FKBP5: variants seen among roughly 807,000 people sequenced by gnomAD.
The protein encoded by FKBP5 is FKBP prolyl isomerase 5, also known as peptidyl-prolyl cis-trans isomerase FKBP5.
A neutral mutation model predicts 50.5 loss-of-function variants in FKBP5; 23 were observed. The ratio of observed to expected loss-of-function variants is 0.46; its 90% CI spans 0.33 to 0.65. The LOEUF is 0.65. Among genes scored for constraint, FKBP5 ranks in the 30% least tolerant of loss-of-function variants. FKBP5 has a pLI of 0.02. For synonymous variants in FKBP5, 176 were observed against 190.6 expected (o/e 0.92, Z 0.63); for missense variants, 411 against 553.1 (o/e 0.74, Z 2.58).
intron 5 of FKBP5, among the ~76,000 whole-genome samples, chr6:35,605,130 T>C (rs1189612124): frequency 2.0e-5 from 3 of 152,076 alleles, no homozygotes; most frequent in Non-Finnish European, 4.4e-5. Flanking sequence ...TGATGAAGTT[T>C]TCCTTGTTCC....
chr6:35,641,992 CAAA>C (rs1025733514), intron 2 of FKBP5, among the ~76,000 whole-genome samples: 86 of 140,404 alleles, frequency 6.1e-4, no homozygotes, highest in African/African-American at 2.2e-3. Context: ...GACTCTGTCT[CAAA>C]ATAAAATAAA....
chr6:35,634,319 T>TCAACAA (rs574042031), intron 3 of FKBP5, among the ~76,000 whole-genome samples: 1 of 151,968 alleles, frequency 6.6e-6, no homozygotes, highest in Non-Finnish European at 1.5e-5. Flanking sequence ...TATGCCTAAA[T>TCAACAA]CAACAACAAC....
At chr6:35,623,678 T>C (rs1026278823) in intron 3 of FKBP5, among the ~76,000 whole-genome samples, 5 of 151,742 alleles carry the variant, frequency 3.3e-5, no homozygotes, top group African/African-American at 1.2e-4. Context: ...CAAGCGGTCC[T>C]CCCACCTTAG....
chr6:35,591,543 T>C (rs542845300), intron 6 of FKBP5, among the ~76,000 whole-genome samples: 2 of 152,336 alleles, frequency 1.3e-5, no homozygotes, highest in Non-Finnish European at 2.9e-5. Context: ...TCTAGTTTTT[T>C]TTTTTTAATA....
intron 2 of FKBP5, among the ~76,000 whole-genome samples, chr6:35,641,259 A>G (rs1000772742): frequency 6.6e-6 from 1 of 152,238 alleles, no homozygotes; most frequent in Non-Finnish European, 1.5e-5. Context: ...CTGGGATTAC[A>G]GGCATGAGCC....
intron 1 of FKBP5, among the ~76,000 whole-genome samples, chr6:35,685,785 C>A (rs1765806210): frequency 6.6e-6 from 1 of 151,892 alleles, no homozygotes; most frequent in African/African-American, 2.4e-5. Flanking sequence ...AGTTCGAGAC[C>A]AGCCTGGCCA....
At chr6:35,706,236 T>A (rs540766853) in intron 2 of FKBP5, among the ~76,000 whole-genome samples, 20 of 151,882 alleles carry the variant, frequency 1.3e-4, no homozygotes, top group Admixed American at 4.6e-4. Context: ...CCAGCCTGGC[T>A]AATATGGTAA....
At chr6:35,594,155 G>C (rs1762906563) in intron 6 of FKBP5, among the ~76,000 whole-genome samples, 1 of 151,932 alleles carries the variant, frequency 6.6e-6, no homozygotes, top group Non-Finnish European at 1.5e-5. Context: ...AAGAGTTTGA[G>C]ACCAGCCTGG....
At chr6:35,580,418 GC>G in intron 8 of FKBP5, 197 bp from the exon 9 acceptor site, 1 of 553,482 alleles carries the variant, frequency 1.8e-6, no homozygotes, top group South Asian at 2.6e-5. Flanking sequence ...TTGGGGCAGT[GC>G]CTGAGCACTG....
intron 5 of FKBP5, among the ~76,000 whole-genome samples, chr6:35,601,279 T>C (rs1454462445): frequency 1.3e-5 from 2 of 152,230 alleles, no homozygotes; most frequent in African/African-American, 4.8e-5. Flanking sequence ...CTTGTAATAC[T>C]GACAACATTC....
intron 1 of FKBP5, among the ~76,000 whole-genome samples, chr6:35,687,740 G>A (rs768439425): frequency 3.3e-5 from 5 of 152,158 alleles, no homozygotes; most frequent in Non-Finnish European, 5.9e-5. Context: ...AGAATTTACT[G>A]AACGGCGGCC....
At chr6:35,696,489 G>T (rs1445612371) in intron 2 of FKBP5, among the ~76,000 whole-genome samples, 2 of 148,578 alleles carry the variant, frequency 1.3e-5, no homozygotes, top group Non-Finnish European at 3.0e-5. Context: ...TCCAGCCTGG[G>T]CAACAGAGCC....
chr6:35,599,529 A>G lies in FKBP5; in HGVS notation c.509-2125T>C, dbSNP rs904487812. On this transcript the variant is annotated intron_variant, in intron 5 of 10. Coordinates refer to ENST00000357266, the MANE Select transcript of FKBP5 (RefSeq NM_004117.4). ...TTCTCTGTATTGTTCCAATTTTAGT[A>G]TATGTGCTGCCGAAGTGAGTACTCA... is the stretch of plus-strand genomic sequence containing the variant. Among the ~76,000 whole-genome samples the G allele has an allele frequency of 2.6e-5, 4 of 152,102 alleles. 1 individual carries two copies. Among genetic ancestry groups the G allele is most frequent in the East Asian group, 1.9e-4 (1 of 5,196 alleles).
At chr6:35,635,404 T>G (rs1168501346) in intron 3 of FKBP5, among the ~76,000 whole-genome samples, 1 of 151,914 alleles carries the variant, frequency 6.6e-6, no homozygotes, top group East Asian at 1.9e-4. Flanking sequence ...CCTGAGAGGT[T>G]GAGGCTACAG....
intron 3 of FKBP5, among the ~76,000 whole-genome samples, chr6:35,629,789 T>C (rs796815237): frequency 3.3e-5 from 5 of 152,276 alleles, no homozygotes; most frequent in African/African-American, 1.2e-4. Context: ...GCAGTGGAAA[T>C]TGGAAGCATT....
chr6:35,618,744 G>T (rs1763733655), intron 5 of FKBP5, among the ~76,000 whole-genome samples: 1 of 151,538 alleles, frequency 6.6e-6, no homozygotes, highest in Non-Finnish European at 1.5e-5. Flanking sequence ...ATCCAGGCTG[G>T]AGTGCAGTAG....
Position 35,597,267 on chromosome 6 carries a change from T to C in FKBP5, c.646A>G (p.Ile216Val). 6.2e-7 allele frequency: 1 copy of C among 1,614,056 alleles called. No homozygotes were observed. Among genetic ancestry groups the C allele is most frequent in the Non-Finnish European group, 8.5e-7 (1 of 1,179,980 alleles). Reference sequence around the variant, plus strand: ...GCTTACCTTGGTCCAAGATATAAAATACATTGTTCTTCCCGCTGCATTTTC... The same window carrying C: ...GCTTACCTTGGTCCAAGATATAAAACACATTGTTCTTCCCGCTGCATTTTC... The part of the protein sequence containing the change: ...LEKMQREEQC[I>V]LYLGPRYGFG... The change falls in exon 6 of 11, where the codon ATT becomes GTT. Residue 216 changes from isoleucine (I) to valine (V), a missense_variant. Physicochemically the swap from Ile to Val is conservative, Grantham distance 29. This residue lies in a region of FKBP5 where 267 missense variants were observed against 405.9 expected (regional missense o/e 0.66). Transcript: ENST00000357266.
chr6:35,585,696 T>C, intron 8 of FKBP5: 1 of 950,148 alleles, frequency 1.1e-6, no homozygotes. Flanking sequence ...TTTGTTTGAA[T>C]ACCACCCACA....
At chr6:35,649,919 TA>T (rs1426193405) in intron 1 of FKBP5, among the ~76,000 whole-genome samples, 3 of 152,168 alleles carry the variant, frequency 2.0e-5, no homozygotes, top group Non-Finnish European at 4.4e-5. Context: ...AATGTTAGAC[TA>T]AAATTTGGCA....
Sources: allele counts gnomAD v4.1 joint callset (sites outside exome capture counted in the v4.1 genomes callset), GRCh38; gene constraint gnomAD v4.1.1; regional missense constraint gnomAD v4.1.1; transcripts MANE v1.5; gene names NCBI Gene and HGNC (gene_info 2026-07-23, HGNC 2026-07-21).